The following HTR7 variants were observed in gnomAD, a reference collection of about 807,000 sequenced individuals.
The protein encoded by HTR7 is 5-HT-7.
Under a neutral mutation model 34.0 loss-of-function variants are expected in HTR7, and 16 were observed. The ratio of observed to expected loss-of-function variants is 0.47; its 90% confidence interval spans 0.32 to 0.71. HTR7 has a LOEUF of 0.71. Ranked by LOEUF, HTR7 falls within the 30% of genes least tolerant of loss-of-function variation. The pLI, the probability that HTR7 is intolerant of heterozygous loss-of-function variation, is 0.04. For synonymous variants in HTR7, 265 were observed against 260.2 expected (o/e 1.02, Z -0.18); for missense variants, 504 against 625.5 (o/e 0.81, Z 2.07).
At chr10:90,754,711 G>A (rs1589436657) in intron 1 of HTR7, among the ~76,000 whole-genome samples, 2 of 152,192 alleles carry the variant, frequency 1.3e-5, no homozygotes, top group Admixed American at 6.5e-5. Flanking sequence ...TAACTCTGCT[G>A]CCTGTCTTCC....
chr10:90,848,069 C>CTTTTTTTTT lies in HTR7; in HGVS notation c.539+9055_539+9063dup, dbSNP rs61675028. On this transcript the variant is annotated intron_variant, in intron 1 of 3. Transcript: ENST00000336152. ...TAAAAGCAATCACTCTCTCTTTGTT[C>CTTTTTTTTT]TTTTTTTTTTTTTTTTTTTGGCAGG... is the stretch of plus-strand genomic sequence containing the variant. Among the ~76,000 whole-genome samples the CTTTTTTTTT allele has an allele frequency of 8.0e-4, 90 of 112,098 alleles. 1 individual carries two copies. Among genetic ancestry groups the CTTTTTTTTT allele is most frequent in the Middle Eastern group, 5.7e-3 (1 of 176 alleles). 73.5% of individuals were successfully genotyped at this position (112,098 alleles called of 152,430 possible).
At chr10:90,802,126 A>G (rs1589456031) in intron 1 of HTR7, among the ~76,000 whole-genome samples, 1 of 152,188 alleles carries the variant, frequency 6.6e-6, no homozygotes, top group Admixed American at 6.5e-5. Context: ...GTGTCTGTTT[A>G]GACAAACTTC....
At chr10:90,815,645 G>A (rs1038770823) in intron 1 of HTR7, among the ~76,000 whole-genome samples, 3 of 152,102 alleles carry the variant, frequency 2.0e-5, no homozygotes, top group African/African-American at 7.2e-5. Context: ...GTGACGGGAT[G>A]ATATGTGCAA....
intron 1 of HTR7, among the ~76,000 whole-genome samples, chr10:90,828,834 A>C (rs556127403): frequency 6.6e-6 from 1 of 152,272 alleles, no homozygotes; most frequent in South Asian, 2.1e-4. Context: ...TTATGAGGAC[A>C]GTATTACCCT....
At chr10:90,827,941 C>G (rs1846105294) in intron 1 of HTR7, among the ~76,000 whole-genome samples, 3 of 152,200 alleles carry the variant, frequency 2.0e-5, no homozygotes, top group Admixed American at 2.0e-4. Context: ...ATGGATCATT[C>G]TCAAGGATAG....
rs1056468962 is a variant in HTR7 at position 90,857,863 on chromosome 10, C to G, written c.-192G>C. 6.6e-6 allele frequency among the ~76,000 whole-genome samples: 1 copy of G among 151,474 alleles called. No homozygotes were observed. The highest frequency in any genetic ancestry group is 1.5e-5 in the Non-Finnish European group (1 of 67,772). On this transcript the variant is annotated 5_prime_UTR_variant, in exon 1 of 4. Coordinates refer to ENST00000336152, the MANE Select transcript of HTR7 (RefSeq NM_019859.4). This position sits in a 1 kb window ranked among gnomAD's most constrained non-coding sequence, Gnocchi z 6.5. ...GGACCCCCGGCCGCTGCGGGTAACG[C>G]GGCAGCGCGGCCTCACGGGGACTCC...
chr10:90,762,811 G>T (rs555844256), intron 1 of HTR7, among the ~76,000 whole-genome samples: 1 of 152,310 alleles, frequency 6.6e-6, no homozygotes, highest in South Asian at 2.1e-4. Flanking sequence ...TAATTTTTGG[G>T]AGTGGTGTAA....
intron 1 of HTR7, among the ~76,000 whole-genome samples, chr10:90,761,007 A>G (rs1286884053): frequency 6.6e-6 from 1 of 152,230 alleles, no homozygotes; most frequent in Non-Finnish European, 1.5e-5. Flanking sequence ...CTTGTTTTAA[A>G]TTCAAGTAAA....
At chr10:90,816,967 C>T (rs1444265577) in intron 1 of HTR7, among the ~76,000 whole-genome samples, 1 of 152,144 alleles carries the variant, frequency 6.6e-6, no homozygotes, top group Non-Finnish European at 1.5e-5. Flanking sequence ...GCCATCTGGC[C>T]TAGAACACTT....
intron 1 of HTR7, among the ~76,000 whole-genome samples, chr10:90,780,947 G>T (rs182491366): frequency 6.6e-6 from 1 of 152,128 alleles, no homozygotes; most frequent in East Asian, 1.9e-4. Context: ...CAAAACTCCC[G>T]TGCAAGGAAT....
Position 90,742,234 on chromosome 10 carries a change from G to T in HTR7, c.*248C>A. Reference sequence around the variant, plus strand: ...TCCTTTCTGGAACTCAGTTCTGTTGGTGTGCTTACTGCTGAGATGATCTGC... The same window carrying T: ...TCCTTTCTGGAACTCAGTTCTGTTGTTGTGCTTACTGCTGAGATGATCTGC... On this transcript the variant is annotated 3_prime_UTR_variant, in exon 4 of 4. Transcript: ENST00000336152. 6.3e-6 allele frequency: 2 copies of T among 317,460 alleles called. No homozygotes were observed. The highest frequency in any genetic ancestry group is 1.2e-5 in the Non-Finnish European group (2 of 172,462). The allele number at this position is 317,460 out of a possible 1,614,324, so 19.7% of individuals were successfully genotyped here. A position where few individuals can be genotyped will look rare whatever the true frequency, so the allele number is the denominator to read the frequency against.
At chr10:90,807,260 T>C (rs1157754332) in intron 1 of HTR7, among the ~76,000 whole-genome samples, 3 of 152,090 alleles carry the variant, frequency 2.0e-5, no homozygotes, top group Non-Finnish European at 4.4e-5. Flanking sequence ...AAAGAAATTA[T>C]TGGGCTGGGC....
chr10:90,790,396 T>C (rs1207818321), intron 1 of HTR7, among the ~76,000 whole-genome samples: 1 of 152,326 alleles, frequency 6.6e-6, no homozygotes, highest in East Asian at 1.9e-4. Context: ...CAGGTCTTTT[T>C]CTGTTTTGAT....
In HTR7 at chr10:90,809,247, C is replaced by A. The variant is rs191538542; in HGVS notation, c.539+47886G>T. Among the ~76,000 whole-genome samples the A allele has an allele frequency of 1.5e-3, 222 of 152,294 alleles. 10 individuals are homozygous for A. Among genetic ancestry groups the A allele is most frequent in the Admixed American group, 0.014 (220 of 15,294 alleles). On this transcript the variant is annotated intron_variant, in intron 1 of 3. Transcript: ENST00000336152. ...AACTAGCCCTCTGCCACCTGCCTAG[C>A]AATTTACTCTTAAAAAGGTGGCTGG...
intron 1 of HTR7, among the ~76,000 whole-genome samples, chr10:90,830,811 A>G (rs1846156903): frequency 6.7e-6 from 1 of 148,416 alleles, no homozygotes. Flanking sequence ...AAAAAAGGCA[A>G]GCAAACAAGC....
At chr10:90,821,122 ACACACACACATG>A (rs1049653601) in intron 1 of HTR7, among the ~76,000 whole-genome samples, 7 of 123,008 alleles carry the variant, frequency 5.7e-5, no homozygotes, top group African/African-American at 2.6e-4. Flanking sequence ...TCACACAAAC[ACACACACACATG>A]CACACACACA....
At chr10:90,855,898 T>G (rs751655810) in intron 1 of HTR7, among the ~76,000 whole-genome samples, 2 of 152,238 alleles carry the variant, frequency 1.3e-5, no homozygotes, top group Non-Finnish European at 2.9e-5. Flanking sequence ...AATATTCCCT[T>G]TTCTATTATT....
chr10:90,822,751 TG>T (rs1406450589), intron 1 of HTR7, among the ~76,000 whole-genome samples: 1 of 152,066 alleles, frequency 6.6e-6, no homozygotes, highest in Non-Finnish European at 1.5e-5. Context: ...GAGGGAAGAA[TG>T]GTTTCATGGG....
intron 1 of HTR7, among the ~76,000 whole-genome samples, chr10:90,827,680 T>C (rs1320769378): frequency 1.3e-5 from 2 of 152,162 alleles, no homozygotes; most frequent in East Asian, 3.9e-4. Context: ...CAAGAGGATA[T>C]AACAATTGTA....
Sources: gnomAD v4.1 joint callset for allele counts (sites outside exome capture counted in the v4.1 genomes callset) on GRCh38, gnomAD v4.1.1 for gene constraint, Gnocchi (gnomAD v3.1) non-coding constraint, MANE v1.5 for transcripts, NCBI Gene and HGNC (gene_info 2026-07-23, HGNC 2026-07-21) for gene names.